The following PRDM1 variants were observed in gnomAD, a reference collection of about 807,000 sequenced individuals.
The protein encoded by PRDM1 is PR/SET domain 1, also known as PR domain zinc finger protein 1.
PRDM1 carries 13 observed loss-of-function variants against 62.8 expected under a neutral mutation model. That is an observed-to-expected ratio of 0.21 (90% CI 0.13 to 0.33). PRDM1 has a LOEUF of 0.33. Among genes scored for constraint, PRDM1 ranks in the 10% least tolerant of loss-of-function variants. PRDM1 has a pLI of 1.00. For missense variants in PRDM1, 895 were observed against 1,058.8 expected (o/e 0.85, Z 2.15); for synonymous variants, 396 against 417.6 (o/e 0.95, Z 0.63).
rs2114618399 is a variant in PRDM1 at position 106,088,444 on chromosome 6, G to A, written c.286G>A (p.Glu96Lys). The A allele has an allele frequency of 6.2e-7, 1 of 1,614,218 alleles. No homozygotes were observed. The highest frequency in any genetic ancestry group is 8.5e-7 in the Non-Finnish European group (1 of 1,180,036). Residue 96 changes from glutamate to lysine, a missense_variant, in exon 2 of 7, where the codon GAA (glutamate) becomes AAA (lysine). By Grantham distance (56) the Glu-to-Lys change is moderately conservative. This residue lies in a region of PRDM1 where 213 missense variants were observed against 283.9 expected (regional missense o/e 0.75). Coordinates refer to ENST00000369096, the MANE Select transcript of PRDM1 (RefSeq NM_001198.4). ...GCTTTTCAAGTATGCCACCAACAGT[G>A]AAGAGGTAAGCCTCTGGTTTATTGA... The part of the protein sequence containing the change: ...NLLFKYATNS[E>K]EVIGVMSKEY...
chr6:106,006,082 ACTTC>A (rs1020227896), intron 1 of PRDM1, among the ~76,000 whole-genome samples: 34 of 152,216 alleles, frequency 2.2e-4, no homozygotes, highest in Admixed American at 1.3e-4. Context: ...CACAGCCTCC[ACTTC>A]CTTCTCACGA....
chr6:106,010,020 T>G (rs1772527449), intron 1 of PRDM1, among the ~76,000 whole-genome samples: 1 of 152,096 alleles, frequency 6.6e-6, no homozygotes, highest in Admixed American at 6.6e-5. Flanking sequence ...GCCTGGCCCT[T>G]CCTGAATATT....
At chr6:106,051,190 C>T (rs1317881261) in intron 1 of PRDM1, among the ~76,000 whole-genome samples, 1 of 152,206 alleles carries the variant, frequency 6.6e-6, no homozygotes, top group Non-Finnish European at 1.5e-5. Context: ...AGCCAGTTTC[C>T]TTAATTGTAC....
chr6:106,067,035 G>T (rs1018934792), intron 1 of PRDM1, among the ~76,000 whole-genome samples: 31 of 152,314 alleles, frequency 2.0e-4, no homozygotes, highest in African/African-American at 7.2e-4. Flanking sequence ...AATGAGAGAT[G>T]TAGGGAAGGT....
chr6:106,079,346 C>T (rs1303986459), intron 1 of PRDM1, among the ~76,000 whole-genome samples: 3 of 152,154 alleles, frequency 2.0e-5, no homozygotes, highest in Admixed American at 1.3e-4. Flanking sequence ...TGGTATAATG[C>T]ACCCAGTACC....
At chr6:106,041,458 T>C (rs1299482371) in intron 1 of PRDM1, among the ~76,000 whole-genome samples, 1 of 152,204 alleles carries the variant, frequency 6.6e-6, no homozygotes, top group Non-Finnish European at 1.5e-5. Context: ...TACCTTAAAA[T>C]ACGTTTTTTG....
upstream of PRDM1, among the ~76,000 whole-genome samples, chr6:106,047,156 TA>T (rs1773094607): frequency 6.6e-6 from 1 of 152,228 alleles, no homozygotes; most frequent in South Asian, 2.1e-4. Context: ...ATTTTTCTGC[TA>T]ACACCAATAT....
chr6:106,037,088 C>T (rs1772933713), intron 1 of PRDM1, among the ~76,000 whole-genome samples: 1 of 152,170 alleles, frequency 6.6e-6, no homozygotes, highest in South Asian at 2.1e-4. Context: ...AACCAATTTC[C>T]TCAACTTTTG....
At chr6:106,040,949 A>G (rs1772985995) in intron 1 of PRDM1, among the ~76,000 whole-genome samples, 1 of 152,218 alleles carries the variant, frequency 6.6e-6, no homozygotes, top group Non-Finnish European at 1.5e-5. Context: ...ATGTTTGACT[A>G]TAGTATATTC....
intron 1 of PRDM1, among the ~76,000 whole-genome samples, chr6:106,027,440 T>C (rs910079426): frequency 1.3e-5 from 2 of 152,202 alleles, no homozygotes; most frequent in Non-Finnish European, 1.5e-5. Context: ...AACAACTGTA[T>C]ACGACAGAAT....
chr6:106,103,669 C>T (rs1173969222), intron 4 of PRDM1, among the ~76,000 whole-genome samples: 1 of 152,180 alleles, frequency 6.6e-6, no homozygotes. Context: ...AGCGAGGAGA[C>T]AGGGCTGGCT....
chr6:106,017,335 A>G (rs547499631), intron 1 of PRDM1, among the ~76,000 whole-genome samples: 36 of 152,338 alleles, frequency 2.4e-4, no homozygotes, highest in African/African-American at 8.4e-4. Flanking sequence ...TATTTAGATG[A>G]TAGGAAGTTG....
intron 1 of PRDM1, among the ~76,000 whole-genome samples, chr6:106,023,947 G>C (rs1256255664): frequency 6.6e-6 from 1 of 152,158 alleles, no homozygotes; most frequent in Non-Finnish European, 1.5e-5. Flanking sequence ...TTTGAGACCA[G>C]CCTAGGCAAC....
At chr6:106,064,350 A>G (rs1773392953) in intron 1 of PRDM1, among the ~76,000 whole-genome samples, 1 of 152,254 alleles carries the variant, frequency 6.6e-6, no homozygotes, top group Non-Finnish European at 1.5e-5. Flanking sequence ...GGGCAGTCAC[A>G]GTGATCACTC....
intron 1 of PRDM1, among the ~76,000 whole-genome samples, chr6:106,062,624 A>T (rs554175397): frequency 6.6e-6 from 1 of 152,364 alleles, no homozygotes; most frequent in African/African-American, 2.4e-5. Context: ...ATTCCTGTAT[A>T]GAAAAGGTTT....
chr6:105,995,645 C>G (rs1439451799), intron 1 of PRDM1, among the ~76,000 whole-genome samples: 1 of 152,120 alleles, frequency 6.6e-6, no homozygotes, highest in Non-Finnish European at 1.5e-5. Context: ...CTGAAAGCCT[C>G]TTTCTCCCAG....
chr6:106,089,915 G>A (rs6923608), intron 2 of PRDM1, among the ~76,000 whole-genome samples: 28,157 of 152,150 alleles, frequency 0.19, 3,521 homozygotes, highest in African/African-American at 0.35. Flanking sequence ...TGGGACTGAA[G>A]TAAAAATCTC....
chr6:106,059,596 G>A (rs766516372), intron 1 of PRDM1, among the ~76,000 whole-genome samples: 1 of 152,182 alleles, frequency 6.6e-6, no homozygotes. Context: ...TTTACCATTG[G>A]AGTGACATGA....
intron 1 of PRDM1, among the ~76,000 whole-genome samples, chr6:106,074,658 G>T (rs1176819176): frequency 6.6e-6 from 1 of 152,134 alleles, no homozygotes; most frequent in Non-Finnish European, 1.5e-5. Flanking sequence ...TAGAATATTG[G>T]GTTGGGGGAC....
Sources: allele counts gnomAD v4.1 joint callset (sites outside exome capture counted in the v4.1 genomes callset), GRCh38; gene constraint gnomAD v4.1.1; regional missense constraint gnomAD v4.1.1; transcripts MANE v1.5; gene names NCBI Gene and HGNC (gene_info 2026-07-23, HGNC 2026-07-21).